DSCAM: variants seen among roughly 807,000 people sequenced by gnomAD.
DSCAM encodes the protein cell adhesion molecule DSCAM.
A neutral mutation model predicts 217.7 loss-of-function variants in DSCAM; 47 were observed. The ratio of observed to expected loss-of-function variants is 0.22; its 90% CI spans 0.17 to 0.28. DSCAM has a LOEUF of 0.28. Among genes scored for constraint, DSCAM ranks in the 10% least tolerant of loss-of-function variants. DSCAM has a pLI of 1.00. For synonymous variants in DSCAM, 1,056 were observed against 1,015.3 expected (o/e 1.04, Z -0.76); for missense variants, 2,080 against 2,618.3 (o/e 0.79, Z 4.49).
intron 3 of DSCAM, among the ~76,000 whole-genome samples, chr21:40,502,169 C>T (rs1378175555): frequency 6.6e-6 from 1 of 152,164 alleles, no homozygotes. Flanking sequence ...AGTATTAGTA[C>T]TGTGACTTCA....
chr21:40,513,642 T>A (rs1323022302), intron 3 of DSCAM, among the ~76,000 whole-genome samples: 1 of 152,130 alleles, frequency 6.6e-6, no homozygotes, highest in African/African-American at 2.4e-5. Context: ...TCGCTCATTA[T>A]CACAGGGACG....
intron 1 of DSCAM, among the ~76,000 whole-genome samples, chr21:40,747,488 T>C (rs1484085117): frequency 5.3e-5 from 8 of 151,772 alleles, no homozygotes; most frequent in Non-Finnish European, 1.2e-4. Flanking sequence ...AGACACAACC[T>C]AGCAAGATTA....
chr21:40,380,031 G>C (rs1444816115), intron 3 of DSCAM, among the ~76,000 whole-genome samples: 1 of 152,156 alleles, frequency 6.6e-6, no homozygotes, highest in African/African-American at 2.4e-5. Flanking sequence ...TGTAAGGAGA[G>C]ATTTGGTGTA....
intron 4 of DSCAM, among the ~76,000 whole-genome samples, chr21:40,365,675 G>A (rs999054142): frequency 2.6e-5 from 4 of 152,052 alleles, no homozygotes; most frequent in East Asian, 1.9e-4. Context: ...TCATCTTCTC[G>A]GAGTTTCAGC....
chr21:40,079,736 G>A (rs965434085), intron 25 of DSCAM, among the ~76,000 whole-genome samples: 4 of 151,844 alleles, frequency 2.6e-5, no homozygotes, highest in African/African-American at 4.8e-5. Context: ...AAAAACAAAC[G>A]CAATTTACCC....
At chr21:40,041,234 A>G (rs1303978489) in intron 32 of DSCAM, among the ~76,000 whole-genome samples, 2 of 152,198 alleles carry the variant, frequency 1.3e-5, no homozygotes, top group Non-Finnish European at 2.9e-5. Flanking sequence ...GTAAAATGAG[A>G]AACAAAACTG....
At chr21:40,262,860 T>G (rs1470561602) in intron 11 of DSCAM, among the ~76,000 whole-genome samples, 1 of 152,232 alleles carries the variant, frequency 6.6e-6, no homozygotes, top group Non-Finnish European at 1.5e-5. Flanking sequence ...AAATGTTTCT[T>G]GAATCAATGA....
intron 3 of DSCAM, among the ~76,000 whole-genome samples, chr21:40,686,579 A>G (rs1290456100): frequency 2.0e-5 from 3 of 152,074 alleles, no homozygotes; most frequent in African/African-American, 7.2e-5. Context: ...GTGTCTATCT[A>G]CTTGTTTTGG....
At chr21:40,344,227 C>A (rs769348554) in intron 6 of DSCAM, among the ~76,000 whole-genome samples, 2 of 152,128 alleles carry the variant, frequency 1.3e-5, no homozygotes, top group Admixed American at 1.3e-4. Flanking sequence ...ATGTTATAAT[C>A]ATCAATTGTT....
At chr21:40,069,942 G>A (rs2089266717) in intron 27 of DSCAM, among the ~76,000 whole-genome samples, 1 of 152,058 alleles carries the variant, frequency 6.6e-6, no homozygotes, top group East Asian at 1.9e-4. Flanking sequence ...CACAGACACA[G>A]ACAAAATAGG....
At chr21:40,419,968 G>A (rs145250248) in intron 3 of DSCAM, among the ~76,000 whole-genome samples, 2 of 152,086 alleles carry the variant, frequency 1.3e-5, no homozygotes, top group South Asian at 2.1e-4. Flanking sequence ...GTAATCATTA[G>A]AACAAATACT....
chr21:40,137,261 TTG>T (rs1491143031), intron 18 of DSCAM, among the ~76,000 whole-genome samples: 10 of 40,972 alleles, frequency 2.4e-4, no homozygotes, highest in Non-Finnish European at 3.5e-4. Context: ...AGAATTAACA[TTG>T]GGGGGGGGGT....
intron 1 of DSCAM, among the ~76,000 whole-genome samples, chr21:40,786,828 T>C (rs2091598199): frequency 6.6e-6 from 1 of 152,220 alleles, no homozygotes; most frequent in African/African-American, 2.4e-5. Context: ...TGCTTAAATA[T>C]GATATGGATA....
intron 1 of DSCAM, among the ~76,000 whole-genome samples, chr21:40,762,170 G>A (rs1277925267): frequency 2.0e-5 from 3 of 151,990 alleles, no homozygotes; most frequent in Non-Finnish European, 4.4e-5. Flanking sequence ...ATGAATCCAG[G>A]AGCTGGTTTT....
chr21:40,196,145 C>A (rs2091005274), intron 11 of DSCAM, among the ~76,000 whole-genome samples: 1 of 152,192 alleles, frequency 6.6e-6, no homozygotes, highest in Admixed American at 6.5e-5. Context: ...AACTGCCGCA[C>A]CCTGGCCTGC....
In DSCAM at chr21:40,082,563, G is replaced by T. The variant is rs541425376; in HGVS notation, c.4231+1345C>A. ...GGGTCCTTGCAAGCTTCTTGGCAAT[G>T]ACTCGGTTCATCTATTAATGACTCT... is the stretch of plus-strand genomic sequence containing the variant. On this transcript the variant is annotated intron_variant, in intron 24 of 32. Coordinates refer to ENST00000400454, the MANE Select transcript of DSCAM (RefSeq NM_001389.5). 3.3e-5 allele frequency among the ~76,000 whole-genome samples: 5 copies of T among 152,194 alleles called. No homozygotes were observed. In the East Asian group the frequency reaches 9.7e-4, roughly 29 times the overall value.
chr21:40,821,025 G>GAT lies in DSCAM; in HGVS notation c.43+25592_43+25593dup, dbSNP rs755810773. Among the ~76,000 whole-genome samples the GAT allele has an allele frequency of 1.4e-3, 216 of 149,222 alleles. 1 individual carries two copies. The highest frequency in any genetic ancestry group is 2.9e-3 in the South Asian group (14 of 4,760). Reference sequence around the variant, plus strand: ...AACTGTAGTTGGGGAGGGCTTCGCAGATATATATATATCTTCACATATATA... The same window carrying GAT: ...AACTGTAGTTGGGGAGGGCTTCGCAGATATATATATATATCTTCACATATATA... On this transcript the variant is annotated intron_variant, in intron 1 of 32. Coordinates refer to ENST00000400454, the MANE Select transcript of DSCAM (RefSeq NM_001389.5).
At chr21:40,338,444 C>G (rs2074452080) in intron 7 of DSCAM, 68 bp from the exon 8 acceptor site, 6 of 1,473,510 alleles carry the variant, frequency 4.1e-6, no homozygotes, top group Admixed American at 4.4e-5. Flanking sequence ...AATGGGTACA[C>G]TTTTCCTTGA....
intron 3 of DSCAM, among the ~76,000 whole-genome samples, chr21:40,564,369 A>C (rs2076749128): frequency 6.6e-6 from 1 of 152,198 alleles, no homozygotes; most frequent in Admixed American, 6.5e-5. Context: ...GGATGCCAGT[A>C]ACTAATCTTC....
Sources: allele counts gnomAD v4.1 joint callset (sites outside exome capture counted in the v4.1 genomes callset), GRCh38; gene constraint gnomAD v4.1.1; transcripts MANE v1.5; gene names NCBI Gene and HGNC (gene_info 2026-07-23, HGNC 2026-07-21).